BLTP3B: variants seen among roughly 807,000 people sequenced by gnomAD.
BLTP3B encodes the protein UHRF1 (ICBP90) binding protein 1-like.
chr12:100,118,287 G>A, the BLTP3B span, among the ~76,000 whole-genome samples: 1 of 152,100 alleles, frequency 6.6e-6, no homozygotes, highest in Non-Finnish European at 1.5e-5. Context: ...AGCTACTCAG[G>A]AGGCTGAGGC....
chr12:100,038,617 T>A, the BLTP3B span, among the ~76,000 whole-genome samples: 1 of 152,212 alleles, frequency 6.6e-6, no homozygotes, highest in Non-Finnish European at 1.5e-5. Flanking sequence ...ATTACAGGCA[T>A]GAGCCACAGC....
the BLTP3B span, among the ~76,000 whole-genome samples, chr12:100,132,469 G>A: frequency 2.0e-5 from 3 of 152,100 alleles, no homozygotes; most frequent in African/African-American, 4.8e-5. Context: ...GTTCTCACGT[G>A]CGTAGGTTGT....
At chr12:100,124,559 A>T in the BLTP3B span, among the ~76,000 whole-genome samples, 2 of 151,984 alleles carry the variant, frequency 1.3e-5, no homozygotes, top group African/African-American at 4.8e-5. Flanking sequence ...CCTGACCAAC[A>T]TTGTGAAACC....
chr12:100,108,368 C>T, the BLTP3B span: 1 of 1,601,362 alleles, frequency 6.2e-7, no homozygotes, highest in Non-Finnish European at 8.5e-7. Context: ...TATCAAGCCA[C>T]AGATATCAAA....
the BLTP3B span, among the ~76,000 whole-genome samples, chr12:100,070,758 C>A: frequency 1.3e-5 from 2 of 151,942 alleles, no homozygotes; most frequent in African/African-American, 4.8e-5. Context: ...CTTTGGGAAG[C>A]CAAGGAGGTC....
the BLTP3B span, among the ~76,000 whole-genome samples, chr12:100,042,920 C>T: frequency 6.6e-6 from 1 of 152,162 alleles, no homozygotes; most frequent in African/African-American, 2.4e-5. Context: ...CTGCCTCAGC[C>T]TCCAGGGTAG....
At chr12:100,137,058 G>A in the BLTP3B span, among the ~76,000 whole-genome samples, 3 of 152,070 alleles carry the variant, frequency 2.0e-5, no homozygotes, top group South Asian at 2.1e-4. Flanking sequence ...TGATCCACCC[G>A]CCTCAGCCTC....
the BLTP3B span, chr12:100,070,269 TTTTTTA>T: frequency 1.5e-6 from 2 of 1,339,956 alleles, no homozygotes; most frequent in South Asian, 1.7e-5. Flanking sequence ...TGCCAGAAGG[TTTTTTA>T]TTTTTAATTA....
the BLTP3B span, among the ~76,000 whole-genome samples, chr12:100,065,358 A>G: frequency 1.3e-5 from 2 of 152,290 alleles, no homozygotes; most frequent in African/African-American, 4.8e-5. Flanking sequence ...GACAACCATA[A>G]GGTCTGACTG....
At chr12:100,084,519 A>C in the BLTP3B span, 1 of 1,613,842 alleles carries the variant, frequency 6.2e-7, no homozygotes, top group African/African-American at 1.3e-5. Context: ...GGGATTTAGG[A>C]GGTGAACCTA....
the BLTP3B span, among the ~76,000 whole-genome samples, chr12:100,107,681 A>C: frequency 3.3e-5 from 5 of 152,224 alleles, no homozygotes; most frequent in South Asian, 4.1e-4. Context: ...AAAAGGGATA[A>C]AACTGCAAAT....
the BLTP3B span, chr12:100,095,572 A>G: frequency 7.1e-7 from 1 of 1,416,242 alleles, no homozygotes; most frequent in Non-Finnish European, 9.6e-7. Flanking sequence ...AAAACCTCAC[A>G]ATCTGTCTCT....
the BLTP3B span, among the ~76,000 whole-genome samples, chr12:100,076,978 G>C: frequency 1.3e-5 from 2 of 152,038 alleles, no homozygotes; most frequent in Non-Finnish European, 2.9e-5. Flanking sequence ...GTTTCTTACT[G>C]TATTTCACTC....
At chr12:100,054,950 G>A in the BLTP3B span, among the ~76,000 whole-genome samples, 1 of 152,082 alleles carries the variant, frequency 6.6e-6, no homozygotes, top group Admixed American at 6.5e-5. Context: ...ATGGTCTTAA[G>A]GATTAGATAA....
chr12:100,079,394 G>C, the BLTP3B span, among the ~76,000 whole-genome samples: 1 of 152,170 alleles, frequency 6.6e-6, no homozygotes, highest in African/African-American at 2.4e-5. Context: ...GTTGGGAACT[G>C]GAAGAAAGGT....
the BLTP3B span, among the ~76,000 whole-genome samples, chr12:100,106,681 A>G: frequency 2.0e-5 from 3 of 152,318 alleles, no homozygotes; most frequent in South Asian, 6.2e-4. Flanking sequence ...CAGATGCACT[A>G]AAATCCCAGA....
chr12:100,039,815 A>G, the BLTP3B span: 10 of 1,579,012 alleles, frequency 6.3e-6, no homozygotes, highest in Non-Finnish European at 8.6e-6. Context: ...ACATGCTCAG[A>G]TAACATTTCC....
the BLTP3B span, among the ~76,000 whole-genome samples, chr12:100,099,085 C>T: frequency 6.6e-6 from 1 of 151,554 alleles, no homozygotes; most frequent in Non-Finnish European, 1.5e-5. Flanking sequence ...CTCTACCTCC[C>T]GGGTTCCAGC....
At chr12:100,121,212 T>G in the BLTP3B span, among the ~76,000 whole-genome samples, 49 of 151,480 alleles carry the variant, frequency 3.2e-4, no homozygotes, top group Non-Finnish European at 5.5e-4. Flanking sequence ...TAGTGGGGTG[T>G]GGTAGCACAT....
Sources: allele counts gnomAD v4.1 joint callset (sites outside exome capture counted in the v4.1 genomes callset), GRCh38; gene constraint gnomAD v4.1.1; transcripts MANE v1.5; gene names NCBI Gene and HGNC (gene_info 2026-07-23, HGNC 2026-07-21).